The following AP5Z1 variants were observed in gnomAD, a reference collection of about 807,000 sequenced individuals.
The protein encoded by AP5Z1 is AP-5 complex subunit zeta-1.
In AP5Z1, 106 loss-of-function variants were observed where a neutral mutation model predicts 83.0. That is an observed-to-expected ratio of 1.28 (90% confidence interval 1.09 to 1.50). The LOEUF (loss-of-function observed/expected upper bound fraction) is 1.50, where lower values mean the gene tolerates loss of function less well. AP5Z1 is among the 40% of genes most tolerant of loss of function. The pLI, the probability that AP5Z1 is intolerant of heterozygous loss-of-function variation, is 0.00. For missense variants in AP5Z1, 1,565 were observed against 1,094.2 expected, an observed-to-expected ratio of 1.43 and a Z score of -6.07; for synonymous variants, 751 against 514.1, an observed-to-expected ratio of 1.46 and a Z score of -6.23.
intron 9 of AP5Z1, 143 bp from the exon 10 acceptor site, chr7:4,786,107 C>T: frequency 1.2e-6 from 1 of 804,136 alleles, no homozygotes; most frequent in Non-Finnish European, 1.9e-6. Context: ...CCAAGTGCCG[C>T]TTCCCCAGCG....
At chr7:4,778,249 G>C (rs1781277016) in intron 1 of AP5Z1, among the ~76,000 whole-genome samples, 2 of 152,170 alleles carry the variant, frequency 1.3e-5, no homozygotes, top group Admixed American at 1.3e-4. Context: ...AAGATTTGGA[G>C]TGAACTTTAG....
Position 4,785,217 on chromosome 7 carries a change from C to T in AP5Z1, c.931+169C>T, listed in dbSNP as rs535618708. Reference sequence around the variant, plus strand: ...GCTTCTGGGGTCAGCCCCAAGTGTTCTTCAGGCTCCACCCCAGCCCCCAGC... The same window carrying T: ...GCTTCTGGGGTCAGCCCCAAGTGTTTTTCAGGCTCCACCCCAGCCCCCAGC... On this transcript the variant is annotated intron_variant, in intron 7 of 16. Transcript: ENST00000649063. Among the ~76,000 whole-genome samples, 29 of 152,274 alleles carry T rather than the reference C, an allele frequency of 1.9e-4. 1 individual carries two copies. The highest frequency in any genetic ancestry group is 6.5e-4 in the African/African-American group (27 of 41,572).
rs750902651 is a variant in AP5Z1, at chr7:4,790,705, C to T, written c.1971C>T (p.Thr657=). Residue 657 remains threonine (T), a synonymous_variant, in exon 16 of 17, where the codon ACC becomes ACT. Coordinates refer to ENST00000649063, the MANE Select transcript of AP5Z1 (RefSeq NM_014855.3). ...CCATCGGCGAGTACCTGTCGGTGACCTACGATCGGAGGTGCACCGTGGAGC... is the reference window on the plus strand; with the variant it reads ...CCATCGGCGAGTACCTGTCGGTGACTTACGATCGGAGGTGCACCGTGGAGC... ...VWAIGEYLSV[T]YDRRCTVEQI... 4 of 1,611,398 alleles carry T rather than the reference C, an allele frequency of 2.5e-6. No individual in the cohort carries two copies. Among genetic ancestry groups the T allele is most frequent in the East Asian group, 2.2e-5 (1 of 44,844 alleles).
rs12154622 is a variant in AP5Z1, at chr7:4,791,661, T to C, written c.*276T>C. The C allele has an allele frequency of 0.05, 26,143 of 519,296 alleles. 861 individuals are homozygous for C. Among genetic ancestry groups the C allele is most frequent in the African/African-American group, 0.11 (5,759 of 52,566 alleles). 32.2% of individuals were successfully genotyped at this position (519,296 alleles called of 1,614,324 possible). On this transcript the variant is annotated 3_prime_UTR_variant, in exon 17 of 17. Coordinates refer to ENST00000649063, the MANE Select transcript of AP5Z1 (RefSeq NM_014855.3). ...GGAGGCTTGAGGCCCTGTGGCTGGG[T>C]CGGGTGGAGGCTGCTGGGTCTGTTT... is the stretch of plus-strand genomic sequence containing the variant.
At chr7:4,784,768 C>A (rs373060075) in intron 6 of AP5Z1, 140 bp from the exon 7 acceptor site, 5 of 1,189,604 alleles carry the variant, frequency 4.2e-6, no homozygotes, top group Non-Finnish European at 4.6e-6. Flanking sequence ...GGTGGGTGGA[C>A]GTCCTGAGAC....
chr7:4,789,131 T>C, intron 13 of AP5Z1, 180 bp downstream of exon 13: 2 of 573,202 alleles, frequency 3.5e-6, no homozygotes, highest in East Asian at 3.0e-5. Flanking sequence ...CCCCGTCCCT[T>C]GTCCCATCCC....
chr7:4,783,900 G>T, intron 5 of AP5Z1, 102 bp downstream of exon 5: 3 of 1,275,932 alleles, frequency 2.4e-6, no homozygotes, highest in Non-Finnish European at 3.2e-6. Context: ...GTCGTTCCGC[G>T]GGGTCCAGGA....
rs537518486 is a variant in AP5Z1, at chr7:4,784,866, G to A, written c.791-42G>A. Reference sequence around the variant, plus strand: ...AGGGCAGCAGGCATGTCCCAGCCCGGGAGCCACACGTCAGCCTGCTGAGAG... The same window carrying A: ...AGGGCAGCAGGCATGTCCCAGCCCGAGAGCCACACGTCAGCCTGCTGAGAG... On this transcript the variant is annotated intron_variant, in intron 6 of 16. Transcript: ENST00000649063. 38 of 1,588,724 alleles carry A rather than the reference G, an allele frequency of 2.4e-5. No individual in the cohort carries two copies. The South Asian group carries it at 3.6e-4, about 15-fold the overall frequency.
Position 4,788,233 on chromosome 7 carries a change from C to T in AP5Z1, c.1534C>T (p.Pro512Ser). ...CAGCTGCCTGGAGGCCTTCCGGGAC[C>T]CGCAGTTCCAGGGTCTTTTCCAATA... ...APSCLEAFRD[P>S]QFQGLFQYLL... Residue 512 changes from proline to serine, a missense_variant, in exon 12 of 17, where the codon CCG becomes TCG. Pro to Ser is a moderately conservative substitution (Grantham distance 74, BLOSUM62 -1). Coordinates refer to ENST00000649063, the MANE Select transcript of AP5Z1 (RefSeq NM_014855.3). 4 of 1,578,178 alleles carry T rather than the reference C, an allele frequency of 2.5e-6. No individual in the cohort carries two copies. The highest frequency in any genetic ancestry group is 2.6e-6 in the Non-Finnish European group (3 of 1,163,278).
intron 6 of AP5Z1, 145 bp from the exon 7 acceptor site, chr7:4,784,763 G>A (rs1376543272): frequency 1.7e-6 from 2 of 1,156,396 alleles, no homozygotes; most frequent in Non-Finnish European, 2.4e-6. Flanking sequence ...TGCCGGGTGG[G>A]TGGACGTCCT....
Position 4,791,464 on chromosome 7 carries a change from C to A in AP5Z1, c.*79C>A. 4.0e-6 allele frequency: 6 copies of A among 1,491,566 alleles called. No individual in the cohort carries two copies. The highest frequency in any genetic ancestry group is 5.4e-6 in the Non-Finnish European group (6 of 1,114,386). 92.4% of individuals were successfully genotyped at this position (1,491,566 alleles called of 1,614,324 possible). On this transcript the variant is annotated 3_prime_UTR_variant, in exon 17 of 17. Transcript: ENST00000649063. ...GCTACTGAGGCCAGGCTGATAGGAG[C>A]TCAGGAGGGCGCGGGAGTCCTGGGA...
chr7:4,778,503 A>G (rs941591580), intron 1 of AP5Z1, among the ~76,000 whole-genome samples: 1 of 152,028 alleles, frequency 6.6e-6, no homozygotes, highest in Non-Finnish European at 1.5e-5. Flanking sequence ...GAAACAGGAC[A>G]TGGAGTCTGG....
At position 4,784,259 on chromosome 7, in the gene AP5Z1, C is replaced by G. The variant is rs771296028; in HGVS notation, c.678C>G (p.Leu226=). 4.4e-6 allele frequency: 7 copies of G among 1,597,606 alleles called. No homozygotes were observed. Among genetic ancestry groups the G allele is most frequent in the East Asian group, 4.5e-5 (2 of 44,088 alleles). Residue 226 remains leucine, a synonymous_variant, in exon 6 of 17, where the codon CTC becomes CTG. Coordinates refer to ENST00000649063, the MANE Select transcript of AP5Z1 (RefSeq NM_014855.3). ...GAVATDFFTV[L]SSGHRFTDDQ... ...TAGCCACAGACTTCTTCACGGTGCT[C>G]TCCAGCGGCCACCGCTTCACAGACG... is the stretch of plus-strand genomic sequence containing the variant.
chr7:4,780,270 A>T (rs1781343971), intron 1 of AP5Z1, among the ~76,000 whole-genome samples: 1 of 152,216 alleles, frequency 6.6e-6, no homozygotes, highest in African/African-American at 2.4e-5. Flanking sequence ...TCGAGTAAAA[A>T]AACATAATGG....
chr7:4,785,410 T>G lies in AP5Z1; in HGVS notation c.932-5T>G. On this transcript the variant is annotated splice_polypyrimidine_tract_variant and splice_region_variant and intron_variant, in intron 7 of 16. Coordinates refer to ENST00000649063, the MANE Select transcript of AP5Z1 (RefSeq NM_014855.3). ...GAGCCGGCTGACTTTTTCCCCTCCT[T>G]CCAGGAGCCCTGAGGAAGGGGGACT... 1 of 1,612,950 alleles carries G rather than the reference T, an allele frequency of 6.2e-7. No individual in the cohort carries two copies. The highest frequency in any genetic ancestry group is 8.5e-7 in the Non-Finnish European group (1 of 1,179,458).
At position 4,781,607 on chromosome 7, in the gene AP5Z1, C is replaced by A. The variant is rs560439547; in HGVS notation, c.219C>A (p.Leu73=). 2 of 1,610,032 alleles carry A rather than the reference C, an allele frequency of 1.2e-6. No homozygotes were observed. Among genetic ancestry groups the A allele is most frequent in the East Asian group, 2.2e-5 (1 of 44,782 alleles). Reference sequence around the variant, plus strand: ...GCGTAGACCTGCTGCAGGCCACCCTCGGCCTGCCTGCATGCCCCGAGCAGC... The same window carrying A: ...GCGTAGACCTGCTGCAGGCCACCCTAGGCCTGCCTGCATGCCCCGAGCAGC... ...KTCVDLLQAT[L]GLPACPEQLQ... is the part of the protein sequence containing the mutation. Residue 73 remains leucine, a synonymous_variant, in exon 3 of 17, where the codon CTC becomes CTA. Coordinates refer to ENST00000649063, the MANE Select transcript of AP5Z1 (RefSeq NM_014855.3).
At chr7:4,783,524 C>T in intron 4 of AP5Z1, 64 bp downstream of exon 4, 3 of 1,587,524 alleles carry the variant, frequency 1.9e-6, no homozygotes, top group East Asian at 2.3e-5. Flanking sequence ...CCCTGAGGGC[C>T]CATGGTGGGT....
At chr7:4,776,628 G>C (rs188138063) in intron 1 of AP5Z1, among the ~76,000 whole-genome samples, 6 of 151,948 alleles carry the variant, frequency 3.9e-5, no homozygotes, top group East Asian at 1.9e-4. Flanking sequence ...CCAGCTACTC[G>C]GGAGGCTGAG....
rs1016961134 is a variant in AP5Z1 at position 4,792,457 on chromosome 7, C to T, written c.*1072C>T. 6.6e-6 allele frequency: 1 copy of T among 152,318 alleles called. No homozygotes were observed. Among genetic ancestry groups the T allele is most frequent in the Non-Finnish European group, 1.5e-5 (1 of 68,186 alleles). The allele number at this position is 152,318 out of a possible 1,614,324, so 9.4% of individuals were successfully genotyped here. Reference sequence around the variant, plus strand: ...GCGACTGCAGGGTCCTGCCCCTTGCCCAGCCTCAGGACTATGGAGGGGGCG... The same window carrying T: ...GCGACTGCAGGGTCCTGCCCCTTGCTCAGCCTCAGGACTATGGAGGGGGCG... On this transcript the variant is annotated 3_prime_UTR_variant, in exon 17 of 17. Transcript: ENST00000649063.
Sources: gnomAD v4.1 joint callset for allele counts (sites outside exome capture counted in the v4.1 genomes callset) on GRCh38, gnomAD v4.1.1 for gene constraint, MANE v1.5 for transcripts, NCBI Gene and HGNC (gene_info 2026-07-23, HGNC 2026-07-21) for gene names.